Variants in TRERF1 observed in about 807,000 individuals in gnomAD.
TRERF1 encodes transcriptional-regulating factor 1.
TRERF1 carries 27 observed loss-of-function variants against 122.9 expected under a neutral mutation model. The observed-to-expected ratio is 0.22, with a 90% CI of 0.16 to 0.30. The LOEUF is 0.30. Ranked by LOEUF, TRERF1 falls within the 10% of genes least tolerant of loss-of-function variation. The probability of loss-of-function intolerance (pLI) is 1.00; values close to 1 mark genes in which losing one functional copy is unlikely to be tolerated. For synonymous variants in TRERF1, 636 were observed against 641.7 expected (o/e 0.99, Z 0.13); for missense variants, 1,248 against 1,560.3 (o/e 0.80, Z 3.37).
chr6:42,361,000 G>A (rs181761483), intron 3 of TRERF1, among the ~76,000 whole-genome samples: 294 of 152,194 alleles, frequency 1.9e-3, no homozygotes, highest in African/African-American at 6.4e-3. Flanking sequence ...AATGGGAAAC[G>A]AGCTTCTATG....
In TRERF1 at chr6:42,406,125, G is replaced by A. The variant is rs189436013; in HGVS notation, c.-453-43046C>T. Among the ~76,000 whole-genome samples the A allele has an allele frequency of 2.9e-3, 443 of 152,270 alleles. 7 individuals are homozygous for A. Among genetic ancestry groups the A allele is most frequent in the Admixed American group, 0.025 (377 of 15,290 alleles). Reference sequence around the variant, plus strand: ...AGTTAGTCATCCTCATTTTACAGAGGGAGAAACTGAGGCTCAGAAAAGTTG... The same window carrying A: ...AGTTAGTCATCCTCATTTTACAGAGAGAGAAACTGAGGCTCAGAAAAGTTG... On this transcript the variant is annotated intron_variant, in intron 2 of 17. Transcript: ENST00000372922.
intron 3 of TRERF1, among the ~76,000 whole-genome samples, chr6:42,315,720 C>G (rs1016430247): frequency 6.6e-6 from 1 of 150,600 alleles, no homozygotes. Context: ...CCCCCCCCAC[C>G]CACTGCCACC....
At chr6:42,234,903 A>C (rs998776524) in intron 16 of TRERF1, among the ~76,000 whole-genome samples, 3 of 152,120 alleles carry the variant, frequency 2.0e-5, no homozygotes, top group Non-Finnish European at 4.4e-5. Flanking sequence ...TGATTTGAGG[A>C]GGCATCTAAT....
intron 3 of TRERF1, among the ~76,000 whole-genome samples, chr6:42,348,612 A>T (rs1768798074): frequency 6.6e-6 from 1 of 152,166 alleles, no homozygotes; most frequent in African/African-American, 2.4e-5. Flanking sequence ...CTTCTGTTAG[A>T]AGAACACTCC....
chr6:42,294,545 T>C (rs183439731), intron 4 of TRERF1, among the ~76,000 whole-genome samples: 41 of 152,292 alleles, frequency 2.7e-4, no homozygotes, highest in African/African-American at 9.9e-4. Flanking sequence ...ATGAAATGTT[T>C]TTAGAAAGGT....
chr6:42,298,832 C>G (rs1481914491), intron 4 of TRERF1, among the ~76,000 whole-genome samples: 2 of 152,014 alleles, frequency 1.3e-5, no homozygotes, highest in African/African-American at 4.8e-5. Context: ...CCCAGCTACT[C>G]AGGAGACTCA....
At chr6:42,252,673 C>T (rs965378479) in intron 13 of TRERF1, among the ~76,000 whole-genome samples, 4 of 152,186 alleles carry the variant, frequency 2.6e-5, no homozygotes, top group Admixed American at 2.6e-4. Flanking sequence ...GGGGGTTCAG[C>T]AGTGGGAGAA....
In TRERF1 at chr6:42,236,939, T is replaced by C. The variant is rs138470347; in HGVS notation, c.2860-528A>G. On this transcript the variant is annotated intron_variant, in intron 15 of 17. Coordinates refer to ENST00000372922, the Ensembl canonical transcript of TRERF1. ...TGACCTGCGGTGTGCAGAAAGCACG[T>C]GACTCAAGGGGAGCTCCACTCTGGT... Among the ~76,000 whole-genome samples, 322 of 152,322 alleles carry C rather than the reference T, an allele frequency of 2.1e-3. 2 individuals carry two copies. Among genetic ancestry groups the C allele is most frequent in the African/African-American group, 7.4e-3 (307 of 41,572 alleles).
At chr6:42,262,543 GAGAGAGAGA>G (rs1778306426) in intron 8 of TRERF1, among the ~76,000 whole-genome samples, 1 of 84,734 alleles carries the variant, frequency 1.2e-5, no homozygotes, top group East Asian at 4.4e-4. Context: ...GAGAGAGAGA[GAGAGAGAGA>G]GAGAGAGAGA....
chr6:42,288,494 G>A (rs1235926270), intron 4 of TRERF1, among the ~76,000 whole-genome samples: 2 of 151,048 alleles, frequency 1.3e-5, no homozygotes, highest in South Asian at 2.1e-4. Context: ...CTTGAATCCA[G>A]GAGGTGGAGG....
chr6:42,420,496 T>TA (rs1304919599), intron 2 of TRERF1, among the ~76,000 whole-genome samples: 6 of 152,208 alleles, frequency 3.9e-5, no homozygotes, highest in Non-Finnish European at 8.8e-5. Context: ...AATTCTTAAT[T>TA]AGAGTTTTTT....
intron 7 of TRERF1, among the ~76,000 whole-genome samples, chr6:42,264,318 A>G (rs1386622427): frequency 6.6e-6 from 1 of 152,254 alleles, no homozygotes; most frequent in African/African-American, 2.4e-5. Context: ...CCTGATGATT[A>G]TATTAGCTTT....
chr6:42,303,941 G>A (rs1786703951), intron 3 of TRERF1, among the ~76,000 whole-genome samples: 1 of 146,278 alleles, frequency 6.8e-6, no homozygotes, highest in Admixed American at 6.9e-5. Context: ...AAGATGTACA[G>A]GTTTTTCCAA....
At chr6:42,356,808 G>A (rs1292648455) in intron 3 of TRERF1, among the ~76,000 whole-genome samples, 7 of 151,758 alleles carry the variant, frequency 4.6e-5, no homozygotes, top group African/African-American at 1.5e-4. Flanking sequence ...TCCTGACCTC[G>A]TGATCCACTC....
chr6:42,241,990 G>A (rs957032763), intron 15 of TRERF1, among the ~76,000 whole-genome samples: 2 of 152,186 alleles, frequency 1.3e-5, no homozygotes, highest in Non-Finnish European at 2.9e-5. Context: ...AGCTACTCAG[G>A]TGGCTGAGGT....
chr6:42,427,191 G>A (rs9369358), intron 2 of TRERF1, among the ~76,000 whole-genome samples: 1 of 151,942 alleles, frequency 6.6e-6, no homozygotes, highest in Non-Finnish European at 1.5e-5. Flanking sequence ...TTTTAAAAAA[G>A]AACTAAGGCT....
intron 15 of TRERF1, 85 bp downstream of exon 15, chr6:42,243,163 C>A: frequency 8.3e-7 from 1 of 1,202,664 alleles, no homozygotes; most frequent in South Asian, 1.3e-5. Context: ...GGCAGCAAAG[C>A]CAAACCAAAC....
At chr6:42,406,444 AGG>A (rs1780189254) in intron 2 of TRERF1, among the ~76,000 whole-genome samples, 1 of 152,206 alleles carries the variant, frequency 6.6e-6, no homozygotes, top group Admixed American at 6.5e-5. Context: ...GAGCAGGCAG[AGG>A]CCTCTGTCCT....
Position 42,448,879 on chromosome 6 carries a change from C to CA in TRERF1, c.-454+2297dup, listed in dbSNP as rs1044511767. Among the ~76,000 whole-genome samples, 7 of 152,112 alleles carry CA rather than the reference C, an allele frequency of 4.6e-5. No individual in the cohort carries two copies. In the South Asian group the frequency reaches 6.2e-4, roughly 14 times the overall value. ...CTTCACAGAGAATCCTTACATTTGT[C>CA]AAAAAAATAACGCTTTCGGTTATTA... On this transcript the variant is annotated intron_variant, in intron 2 of 17. Transcript: ENST00000372922.
Sources: allele counts gnomAD v4.1 joint callset (sites outside exome capture counted in the v4.1 genomes callset), GRCh38; gene constraint gnomAD v4.1.1; transcripts MANE v1.5; gene names NCBI Gene and HGNC (gene_info 2026-07-23, HGNC 2026-07-21).